OTUD4: variants seen among roughly 807,000 people sequenced by gnomAD.
The protein encoded by OTUD4 is OTU domain-containing protein 4.
OTUD4 carries 24 observed loss-of-function variants against 130.4 expected under a neutral mutation model. That is an observed-to-expected ratio of 0.18 (90% CI 0.13 to 0.26). The LOEUF (loss-of-function observed/expected upper bound fraction) is 0.26. Ranked by LOEUF, OTUD4 falls within the 10% of genes least tolerant of loss-of-function variation. The probability of loss-of-function intolerance (pLI) is 1.00; values close to 1 mark genes in which losing one functional copy is unlikely to be tolerated. For synonymous variants in OTUD4, 420 were observed against 472.5 expected (o/e 0.89, Z 1.44); for missense variants, 1,031 against 1,329.4 (o/e 0.78, Z 3.49).
rs766465592 is a variant in OTUD4 at position 145,146,310 on chromosome 4, T to G, written c.1379A>C (p.Tyr460Ser). The change falls in exon 14 of 21, where the codon TAT becomes TCT. Residue 460 changes from tyrosine to serine, a missense_variant. Physicochemically the swap from Tyr to Ser is moderately radical, Grantham distance 144. This residue lies in a region of OTUD4 where 900 missense variants were observed against 1,095.9 expected (regional missense o/e 0.82). Coordinates refer to ENST00000447906, the MANE Select transcript of OTUD4 (RefSeq NM_001366057.1). ...CTGTTCATCTCTGTTCTGAATCTCA[T>G]AGAGTAAACGGGATTCTTCTATAGC... ...KQAIEESRLLYEIQNRDEQAF... is the reference protein window; with the variant it reads ...KQAIEESRLLSEIQNRDEQAF... The G allele has an allele frequency of 6.3e-7, 1 of 1,586,718 alleles. No individual in the cohort carries two copies. The highest frequency in any genetic ancestry group is 8.5e-7 in the Non-Finnish European group (1 of 1,169,888).
chr4:145,158,388 A>G (rs1212659018), intron 7 of OTUD4, among the ~76,000 whole-genome samples: 1 of 152,090 alleles, frequency 6.6e-6, no homozygotes, highest in African/African-American at 2.4e-5. Flanking sequence ...AGGCTGAGGC[A>G]GGAGAATGGC....
At position 145,144,452 on chromosome 4, in the gene OTUD4, C is replaced by A. The variant is rs750909056; in HGVS notation, c.1423-18G>T. The A allele has an allele frequency of 3.1e-6, 5 of 1,603,352 alleles. No individual in the cohort carries two copies. Among genetic ancestry groups the A allele is most frequent in the Non-Finnish European group, 4.3e-6 (5 of 1,175,786 alleles). The stretch of plus-strand genomic sequence containing the variant: ...GATGAGCTCTTTAAAATGAACAAAA[C>A]CCAACATTTTGTGTTAAAGATTTAC... On this transcript the variant is annotated intron_variant, in intron 14 of 20. Transcript: ENST00000447906.
chr4:145,140,754 T>C (rs1750518207), intron 19 of OTUD4, among the ~76,000 whole-genome samples: 1 of 152,180 alleles, frequency 6.6e-6, no homozygotes, highest in Non-Finnish European at 1.5e-5. Context: ...TGTTTAGGTA[T>C]CTAATTAGTG....
intron 4 of OTUD4, 37 bp downstream of exon 4, chr4:145,165,114 T>A: frequency 8.3e-7 from 1 of 1,203,784 alleles, no homozygotes; most frequent in South Asian, 1.5e-5. Flanking sequence ...TTCCCACTGG[T>A]TTCATTTTCT....
intron 6 of OTUD4, among the ~76,000 whole-genome samples, chr4:145,161,332 T>G (rs1427358772): frequency 6.6e-6 from 1 of 152,086 alleles, no homozygotes; most frequent in African/African-American, 2.4e-5. Flanking sequence ...TGTGACTAGC[T>G]AGGAGGGAGA....
chr4:145,160,805 CCT>C (rs1227423285), intron 6 of OTUD4, among the ~76,000 whole-genome samples: 5 of 149,164 alleles, frequency 3.4e-5, no homozygotes, highest in African/African-American at 9.9e-5. Flanking sequence ...AGAGCGAGAC[CCT>C]GTCTTAAAAA....
Position 145,144,295 on chromosome 4 carries a change from T to C in OTUD4, c.1546+16A>G, listed in dbSNP as rs1401898953. 7 of 1,605,458 alleles carry C rather than the reference T, an allele frequency of 4.4e-6. No homozygotes were observed. The South Asian group carries it at 6.7e-5, about 15-fold the overall frequency. ...GAGATCTCTAGCATCTGCTTTCTAA[T>C]GATGAGATAACTTACCTTTGTCTTT... On this transcript the variant is annotated intron_variant, in intron 15 of 20. Transcript: ENST00000447906.
chr4:145,138,488 A>C lies in OTUD4; in HGVS notation c.2287T>G (p.Cys763Gly). Residue 763 changes from cysteine (C) to glycine (G), a missense_variant, in exon 21 of 21, where the codon TGT (cysteine) becomes GGT (glycine). Coordinates refer to ENST00000447906, the MANE Select transcript of OTUD4 (RefSeq NM_001366057.1). ...PAAQNESDCT[C>G]TDAHFPMQTE... The stretch of plus-strand genomic sequence containing the variant: ...TGCATAGGAAAGTGGGCATCAGTAC[A>C]GGTACAATCACTTTCATTCTGAGCA... 6.2e-7 allele frequency: 1 copy of C among 1,614,120 alleles called. No individual in the cohort carries two copies. The highest frequency in any genetic ancestry group is 8.5e-7 in the Non-Finnish European group (1 of 1,179,962).
chr4:145,167,875 T>C (rs1052388300), intron 3 of OTUD4, among the ~76,000 whole-genome samples: 1 of 151,912 alleles, frequency 6.6e-6, no homozygotes, highest in Non-Finnish European at 1.5e-5. Context: ...AAATTAAAAA[T>C]GAAAAATTCT....
intron 6 of OTUD4, among the ~76,000 whole-genome samples, chr4:145,161,243 C>A (rs1447208541): frequency 6.6e-6 from 1 of 152,186 alleles, no homozygotes; most frequent in Non-Finnish European, 1.5e-5. Flanking sequence ...GCCCTCGTAT[C>A]ACCCAAACCA....
At chr4:145,175,901 T>A (rs1327432417) in intron 1 of OTUD4, among the ~76,000 whole-genome samples, 1 of 146,516 alleles carries the variant, frequency 6.8e-6, no homozygotes, top group Non-Finnish European at 1.5e-5. Flanking sequence ...AATTCTTTTT[T>A]CCCCCACCAG....
At position 145,162,789 on chromosome 4, in the gene OTUD4, T is replaced by C; in HGVS notation, c.415-68A>G. 4.2e-6 allele frequency: 3 copies of C among 711,872 alleles called. No homozygotes were observed. In the South Asian group the frequency reaches 5.7e-5, roughly 14 times the overall value. 44.1% of individuals were successfully genotyped at this position (711,872 alleles called of 1,614,324 possible). A position where few individuals can be genotyped will look rare whatever the true frequency, so the allele number is the denominator to read the frequency against. On this transcript the variant is annotated intron_variant, in intron 5 of 20. Coordinates refer to ENST00000447906, the MANE Select transcript of OTUD4 (RefSeq NM_001366057.1). Reference sequence around the variant, plus strand: ...TATAACATTTACATAGCAATGTATGTCTCCAATGCCTCTGAATTACTAGAT... The same window carrying C: ...TATAACATTTACATAGCAATGTATGCCTCCAATGCCTCTGAATTACTAGAT...
In OTUD4 at chr4:145,144,442, A is replaced by G; in HGVS notation, c.1423-8T>C. On this transcript the variant is annotated splice_region_variant and splice_polypyrimidine_tract_variant and intron_variant, in intron 14 of 20. Transcript: ENST00000447906. ...CTGATTGACTGATGAGCTCTTTAAA[A>G]TGAACAAAACCCAACATTTTGTGTT... is the stretch of plus-strand genomic sequence containing the variant. 1 of 1,607,506 alleles carries G rather than the reference A, an allele frequency of 6.2e-7. No homozygotes were observed. The highest frequency in any genetic ancestry group is 8.5e-7 in the Non-Finnish European group (1 of 1,177,452).
chr4:145,164,242 A>T lies in OTUD4; in HGVS notation c.342-16T>A. On this transcript the variant is annotated splice_polypyrimidine_tract_variant and intron_variant, in intron 4 of 20. Coordinates refer to ENST00000447906, the MANE Select transcript of OTUD4 (RefSeq NM_001366057.1). Reference sequence around the variant, plus strand: ...AAAATCTTTCCTGAAAATAACAATTAGAAATTATTTATAATGGACTATACT... The same window carrying T: ...AAAATCTTTCCTGAAAATAACAATTTGAAATTATTTATAATGGACTATACT... 1 of 1,137,596 alleles carries T rather than the reference A, an allele frequency of 8.8e-7. No individual in the cohort carries two copies. The highest frequency in any genetic ancestry group is 1.6e-5 in the African/African-American group (1 of 64,238). The allele number at this position is 1,137,596 out of a possible 1,614,324, so 70.5% of individuals were successfully genotyped here.
intron 7 of OTUD4, among the ~76,000 whole-genome samples, chr4:145,158,518 AAAAAC>A (rs1418140377): frequency 6.6e-6 from 1 of 152,024 alleles, no homozygotes; most frequent in Non-Finnish European, 1.5e-5. Context: ...AAAACAAAAA[AAAAAC>A]AAATCAAGAG....
At chr4:145,162,477 C>T (rs1205840887) in intron 6 of OTUD4, among the ~76,000 whole-genome samples, 163 bp downstream of exon 6, 2 of 151,806 alleles carry the variant, frequency 1.3e-5, no homozygotes, top group Admixed American at 6.6e-5. Flanking sequence ...GCATGAACCC[C>T]GGAGGCAGAG....
chr4:145,177,354 G>A (rs1485855753), intron 1 of OTUD4, among the ~76,000 whole-genome samples: 1 of 152,236 alleles, frequency 6.6e-6, no homozygotes, highest in African/African-American at 2.4e-5. Context: ...ATCTGAACCT[G>A]TTGCTCAGAA....
In OTUD4 at chr4:145,164,751, A is replaced by T. The variant is rs537833782; in HGVS notation, c.341+400T>A. Among the ~76,000 whole-genome samples the T allele has an allele frequency of 2.1e-4, 31 of 150,234 alleles. No individual in the cohort carries two copies. The South Asian group carries it at 3.6e-3, about 17-fold the overall frequency. On this transcript the variant is annotated intron_variant, in intron 4 of 20. Transcript: ENST00000447906. ...GCATAATGTAAATATTCCAAAATTT[A>T]AAAAAAAAATGAAATCCAAAAACTT...
chr4:145,160,153 T>G (rs1276500488), intron 6 of OTUD4, among the ~76,000 whole-genome samples: 1 of 152,204 alleles, frequency 6.6e-6, no homozygotes, highest in Admixed American at 6.5e-5. Context: ...TATAGTATAG[T>G]ACATACTAGC....
Sources: gnomAD v4.1 joint callset for allele counts (sites outside exome capture counted in the v4.1 genomes callset) on GRCh38, gnomAD v4.1.1 for gene constraint, gnomAD v4.1.1 regional missense constraint, MANE v1.5 for transcripts, NCBI Gene and HGNC (gene_info 2026-07-23, HGNC 2026-07-21) for gene names.